IFRD1: variants seen among roughly 807,000 people sequenced by gnomAD.
IFRD1 encodes interferon related developmental regulator 1, also known as interferon-related developmental regulator 1.
In IFRD1, 35 loss-of-function variants were observed where a neutral mutation model predicts 52.9. The observed-to-expected ratio is 0.66, with a 90% confidence interval of 0.51 to 0.88. The LOEUF is 0.88. IFRD1 is among the 40% of genes least tolerant of loss of function. The probability of loss-of-function intolerance (pLI) is 0.00; values close to 1 mark genes in which losing one functional copy is unlikely to be tolerated. For missense variants in IFRD1, 517 were observed against 550.8 expected, an observed-to-expected ratio of 0.94 and a Z score of 0.61; for synonymous variants, 184 against 188.4, an observed-to-expected ratio of 0.98 and a Z score of 0.19.
chr7:112,425,008 G>GT (rs1794398226), intron 1 of IFRD1, among the ~76,000 whole-genome samples: 1 of 151,910 alleles, frequency 6.6e-6, no homozygotes, highest in South Asian at 2.1e-4. Context: ...GTTTTGTTTT[G>GT]TTTTGTTTTT....
intron 1 of IFRD1, among the ~76,000 whole-genome samples, chr7:112,438,376 A>T (rs763386514): frequency 6.6e-6 from 1 of 152,190 alleles, no homozygotes; most frequent in Non-Finnish European, 1.5e-5. Context: ...ATGGCACTGA[A>T]GCATTGTGCA....
intron 4 of IFRD1, 50 bp from the exon 5 acceptor site, chr7:112,458,811 G>A (rs765684259): frequency 6.4e-7 from 1 of 1,553,170 alleles, no homozygotes; most frequent in Non-Finnish European, 8.9e-7. Context: ...GTCTTAGTAA[G>A]TTAGTCTACT....
intron 1 of IFRD1, among the ~76,000 whole-genome samples, chr7:112,440,761 C>G (rs1267777389): frequency 6.6e-6 from 1 of 152,158 alleles, no homozygotes; most frequent in East Asian, 1.9e-4. Context: ...CAGAGGAGTG[C>G]TAAGGAGAAA....
At chr7:112,455,963 T>G (rs1426970510) in intron 2 of IFRD1, 39 bp from the exon 3 acceptor site, 3 of 1,488,930 alleles carry the variant, frequency 2.0e-6, no homozygotes, top group Admixed American at 3.3e-5. Context: ...CTGTTTTTTT[T>G]CTTTTAAATT....
intron 1 of IFRD1, among the ~76,000 whole-genome samples, chr7:112,453,711 A>T (rs1795220716): frequency 6.6e-6 from 1 of 152,146 alleles, no homozygotes; most frequent in East Asian, 1.9e-4. Flanking sequence ...TCCTGTCCTA[A>T]GCACTCCAAG....
chr7:112,457,724 C>G (rs115953219), intron 4 of IFRD1: 1 of 152,186 alleles, frequency 6.6e-6, no homozygotes, highest in East Asian at 1.9e-4. Context: ...TTATAACAAA[C>G]AAAACAAAAC....
chr7:112,451,587 C>T (rs1315064296), intron 1 of IFRD1, among the ~76,000 whole-genome samples: 2 of 152,078 alleles, frequency 1.3e-5, no homozygotes, highest in African/African-American at 4.8e-5. Flanking sequence ...GTTATTGTGC[C>T]CTCGCTACGA....
intron 1 of IFRD1, among the ~76,000 whole-genome samples, chr7:112,434,345 C>T (rs920568472): frequency 6.6e-6 from 1 of 152,142 alleles, no homozygotes; most frequent in Admixed American, 6.5e-5. Context: ...CACTGCAGGA[C>T]TGACTCATTC....
chr7:112,465,946 G>A (rs1217226263), intron 8 of IFRD1, among the ~76,000 whole-genome samples: 1 of 152,082 alleles, frequency 6.6e-6, no homozygotes, highest in Non-Finnish European at 1.5e-5. Flanking sequence ...TTGTTTGAAA[G>A]GTTGGGTATT....
At chr7:112,427,833 A>C (rs1794460388) in intron 1 of IFRD1, among the ~76,000 whole-genome samples, 1 of 152,208 alleles carries the variant, frequency 6.6e-6, no homozygotes, top group South Asian at 2.1e-4. Flanking sequence ...CGGATAAAAA[A>C]ATGCATCAGA....
intron 8 of IFRD1, among the ~76,000 whole-genome samples, chr7:112,465,529 G>T (rs1311954628): frequency 1.3e-5 from 2 of 152,146 alleles, no homozygotes; most frequent in Non-Finnish European, 2.9e-5. Flanking sequence ...TATTTATATT[G>T]TGTTAGGTTC....
chr7:112,461,540 A>G (rs2708611), intron 5 of IFRD1: 44,770 of 175,156 alleles, frequency 0.26, 6,015 homozygotes, highest in Middle Eastern at 0.4. Context: ...TAAATTATAG[A>G]TTATGGAGCT....
At chr7:112,462,848 T>C (rs1190382870) in intron 8 of IFRD1, among the ~76,000 whole-genome samples, 1 of 152,168 alleles carries the variant, frequency 6.6e-6, no homozygotes, top group African/African-American at 2.4e-5. Context: ...GACTGGGACA[T>C]GTGCTTTGCA....
chr7:112,469,752 G>C (rs1212563678), intron 9 of IFRD1, among the ~76,000 whole-genome samples: 1 of 152,142 alleles, frequency 6.6e-6, no homozygotes, highest in East Asian at 1.9e-4. Flanking sequence ...TGACGTTTCA[G>C]CTTACACCAG....
chr7:112,458,614 A>G lies in IFRD1; in HGVS notation c.410-247A>G, dbSNP rs920777809. Among the ~76,000 whole-genome samples, 47 of 152,202 alleles carry G rather than the reference A, an allele frequency of 3.1e-4. 1 individual carries two copies. The highest frequency in any genetic ancestry group is 2.6e-3 in the Admixed American group (40 of 15,282). On this transcript the variant is annotated intron_variant, in intron 4 of 11. Coordinates refer to ENST00000403825, the MANE Select transcript of IFRD1 (RefSeq NM_001550.4). ...CTCCATTTTACAGATGAGGAATTCTATTTAGAGAATAAGAGTAACTAATCG... is the reference window on the plus strand; with the variant it reads ...CTCCATTTTACAGATGAGGAATTCTGTTTAGAGAATAAGAGTAACTAATCG...
In IFRD1 at chr7:112,452,188, C is replaced by T. The variant is rs561895065; in HGVS notation, c.94+1406C>T. 93 of 868,024 alleles carry T rather than the reference C, an allele frequency of 1.1e-4. No homozygotes were observed. In the African/African-American group the frequency reaches 1.7e-3, roughly 16 times the overall value. 53.8% of individuals were successfully genotyped at this position (868,024 alleles called of 1,614,324 possible). A position where few individuals can be genotyped will look rare whatever the true frequency, so the allele number is the denominator to read the frequency against. On this transcript the variant is annotated intron_variant, in intron 1 of 11. Coordinates refer to ENST00000403825, the MANE Select transcript of IFRD1 (RefSeq NM_001550.4). ...TTTTTTGTTAAGGGAAAGAGGGAGT[C>T]TGGCTCTGTCGCCCAGGCTGGAGTG...
chr7:112,462,313 A>G lies in IFRD1; in HGVS notation c.841A>G (p.Asn281Asp), dbSNP rs1257997615. 1 of 1,613,820 alleles carries G rather than the reference A, an allele frequency of 6.2e-7. No individual in the cohort carries two copies. The highest frequency in any genetic ancestry group is 8.5e-7 in the Non-Finnish European group (1 of 1,179,806). ...AAGCCTCCTCTCTTGTGATGATGTA[A>G]ACATGAGAATAGCTGCTGGTGAATC... ...LPSLLSCDDV[N>D]MRIAAGESLA... The change falls in exon 8 of 12, where the codon AAC becomes GAC. Residue 281 changes from asparagine (N) to aspartate (D), a missense_variant. Coordinates refer to ENST00000403825, the MANE Select transcript of IFRD1 (RefSeq NM_001550.4).
chr7:112,464,053 TA>T lies in IFRD1; in HGVS notation c.906+1679del, dbSNP rs201694432. On this transcript the variant is annotated intron_variant, in intron 8 of 11. Coordinates refer to ENST00000403825, the MANE Select transcript of IFRD1 (RefSeq NM_001550.4). ...TTTATTTGCTTTTTTTTTTTTTTTTTAAAATAAGCTTTTTATATGTGGGTGC... is the reference window on the plus strand; with the variant it reads ...TTTATTTGCTTTTTTTTTTTTTTTTTAAATAAGCTTTTTATATGTGGGTGC... Among the ~76,000 whole-genome samples, 714 of 129,772 alleles carry T rather than the reference TA, an allele frequency of 5.5e-3. 9 individuals are homozygous for T. Among genetic ancestry groups the T allele is most frequent in the Non-Finnish European group, 5.7e-3 (326 of 57,192 alleles). 85.1% of individuals were successfully genotyped at this position (129,772 alleles called of 152,430 possible). A position where few individuals can be genotyped will look rare whatever the true frequency, so the allele number is the denominator to read the frequency against.
At chr7:112,425,108 C>T (rs145997935) in intron 1 of IFRD1, among the ~76,000 whole-genome samples, 1 of 152,058 alleles carries the variant, frequency 6.6e-6, no homozygotes, top group Non-Finnish European at 1.5e-5. Flanking sequence ...TGGGCTCAAG[C>T]AATCTTCCTG....
Sources: gnomAD v4.1 joint callset for allele counts (sites outside exome capture counted in the v4.1 genomes callset) on GRCh38, gnomAD v4.1.1 for gene constraint, MANE v1.5 for transcripts, NCBI Gene and HGNC (gene_info 2026-07-23, HGNC 2026-07-21) for gene names.